RELT: variants seen among roughly 807,000 people sequenced by gnomAD.
RELT encodes the protein RELT TNF receptor.
In RELT, 37 loss-of-function variants were observed where a neutral mutation model predicts 51.1. The observed-to-expected ratio is 0.72, with a 90% confidence interval of 0.56 to 0.95. The LOEUF is 0.95. Ranked by LOEUF, RELT falls within the 40% of genes least tolerant of loss-of-function variation. RELT has a pLI of 0.00. For synonymous variants in RELT, 241 were observed against 235.7 expected (o/e 1.02, Z -0.21); for missense variants, 535 against 572.6 (o/e 0.93, Z 0.67).
At chr11:73,389,345 G>T (rs1278984183) in intron 2 of RELT, among the ~76,000 whole-genome samples, 164 bp downstream of exon 2, 1 of 152,220 alleles carries the variant, frequency 6.6e-6, no homozygotes. Flanking sequence ...AGCACCTCTG[G>T]GCCCACCCAG....
chr11:73,378,491 A>C (rs1233220064), intron 1 of RELT, among the ~76,000 whole-genome samples: 2 of 152,234 alleles, frequency 1.3e-5, no homozygotes, highest in Non-Finnish European at 2.9e-5. Context: ...GGCCAAGGTC[A>C]TACAGAGTCA....
Position 73,377,269 on chromosome 11 carries a change from A to AGTGTGTGTGTGTGTGTGTGTGTGT in RELT, c.-26+771_-26+794dup, listed in dbSNP as rs369117500. Among the ~76,000 whole-genome samples, 1,144 of 146,114 alleles carry AGTGTGTGTGTGTGTGTGTGTGTGT rather than the reference A, an allele frequency of 7.8e-3. 20 individuals carry two copies. Among genetic ancestry groups the AGTGTGTGTGTGTGTGTGTGTGTGT allele is most frequent in the African/African-American group, 0.028 (1,053 of 37,988 alleles). The stretch of plus-strand genomic sequence containing the variant: ...TGTGCGTGTGGGGTCAAGTGGTGTC[A>AGTGTGTGTGTGTGTGTGTGTGTGT]GTGTGTGTGTGTGTGTGTGTGTGTC... On this transcript the variant is annotated intron_variant, in intron 1 of 10. Transcript: ENST00000064780.
chr11:73,383,586 A>G (rs752103552), intron 1 of RELT, among the ~76,000 whole-genome samples: 1 of 152,188 alleles, frequency 6.6e-6, no homozygotes, highest in Non-Finnish European at 1.5e-5. Flanking sequence ...CTGCAAGGAC[A>G]TTTACTATGT....
At chr11:73,384,051 A>G (rs1191606222) in intron 1 of RELT, among the ~76,000 whole-genome samples, 1 of 152,090 alleles carries the variant, frequency 6.6e-6, no homozygotes, top group African/African-American at 2.4e-5. Flanking sequence ...AGGAGCCACT[A>G]TCTGGGAAGC....
Position 73,393,844 on chromosome 11 carries a change from C to G in RELT, c.633C>G (p.Asn211Lys). The change falls in exon 7 of 11, where the codon AAC becomes AAG. Residue 211 changes from asparagine to lysine, a missense_variant. Physicochemically the swap from Asn to Lys is moderately conservative, Grantham distance 94. Transcript: ENST00000064780. ...GGCCCTTCTCTTCCCCAGGAATCAA[C>G]CCTGCCTACCGGACTGAGGATGCCA... ...PGPGGGGSGI[N>K]PAYRTEDANE... 1 of 1,614,074 alleles carries G rather than the reference C, an allele frequency of 6.2e-7. No individual in the cohort carries two copies. Among genetic ancestry groups the G allele is most frequent in the Non-Finnish European group, 8.5e-7 (1 of 1,179,954 alleles).
At chr11:73,386,368 C>T (rs76738420) in intron 1 of RELT, among the ~76,000 whole-genome samples, 10,519 of 152,264 alleles carry the variant, frequency 0.069, 442 homozygotes, top group Non-Finnish European at 0.097. Context: ...CCCTCCCAGC[C>T]GAGGGGGCTT....
chr11:73,394,517 C>G lies in RELT; in HGVS notation c.829C>G (p.His277Asp). Residue 277 changes from histidine to aspartate, a missense_variant, in exon 9 of 11, where the codon CAC becomes GAC. By Grantham distance (81) the His-to-Asp change is moderately conservative (BLOSUM62 -1). Coordinates refer to ENST00000064780, the MANE Select transcript of RELT (RefSeq NM_152222.2). This position sits in a 1 kb window ranked among gnomAD's most constrained non-coding sequence, Gnocchi z 4.9. The stretch of plus-strand genomic sequence containing the variant: ...CCCGAACGTGCCACACATCTGCCCG[C>G]ACCGCCACCATCTCCACACCGTGCA... ...APPNVPHICP[H>D]RHHLHTVQGL... The G allele has an allele frequency of 1.2e-6, 2 of 1,610,912 alleles. No individual in the cohort carries two copies. Among genetic ancestry groups the G allele is most frequent in the Non-Finnish European group, 1.7e-6 (2 of 1,179,834 alleles).
intron 2 of RELT, 74 bp from the exon 3 acceptor site, chr11:73,390,476 AG>A: frequency 7.3e-7 from 1 of 1,362,778 alleles, no homozygotes; most frequent in South Asian, 1.2e-5. Flanking sequence ...TTCAGGAAAT[AG>A]GTGGGGGATA....
chr11:73,390,840 C>A lies in RELT; in HGVS notation c.206C>A (p.Ala69Asp), dbSNP rs752091065. 6.2e-7 allele frequency: 1 copy of A among 1,612,720 alleles called. No homozygotes were observed. The highest frequency in any genetic ancestry group is 8.5e-7 in the Non-Finnish European group (1 of 1,179,728). Residue 69 changes from alanine to aspartate, a missense_variant, in exon 4 of 11, where the codon GCC (alanine) becomes GAC (aspartate). By Grantham distance (126) the Ala-to-Asp change is moderately radical (BLOSUM62 -2). Transcript: ENST00000064780. Reference sequence around the variant, plus strand: ...GGCTCCAGCCCATGCCAGCCCCATGCCCGTTGCAGCCTTTGGAGGAGGCTG... The same window carrying A: ...GGCTCCAGCCCATGCCAGCCCCATGACCGTTGCAGCCTTTGGAGGAGGCTG... ...AWGSSPCQPH[A>D]RCSLWRRLEA...
chr11:73,386,554 G>C (rs1309048057), intron 1 of RELT, among the ~76,000 whole-genome samples: 1 of 152,196 alleles, frequency 6.6e-6, no homozygotes, highest in African/African-American at 2.4e-5. Flanking sequence ...TGGGGGCCGG[G>C]CAGCCAGACT....
Position 73,392,216 on chromosome 11 carries a change from G to A in RELT, c.373G>A (p.Gly125Arg). Residue 125 changes from glycine (G) to arginine (R), a missense_variant, in exon 6 of 11, where the codon GGG (glycine) becomes AGG (arginine). By Grantham distance (125) the Gly-to-Arg change is moderately radical. Transcript: ENST00000064780. ...CCATCGTCTGTGATGCTCAGAGTGG[G>A]GGCGGCGGGCCCGACGTGGCGTGGA... ...PLGTHGCDEWGRRARRGVEVA... is the reference protein window; with the variant it reads ...PLGTHGCDEWRRRARRGVEVA... 6.2e-7 allele frequency: 1 copy of A among 1,611,068 alleles called. No homozygotes were observed. The highest frequency in any genetic ancestry group is 8.5e-7 in the Non-Finnish European group (1 of 1,178,674).
At position 73,390,800 on chromosome 11, in the gene RELT, T is replaced by C; in HGVS notation, c.166T>C (p.Phe56Leu). The change falls in exon 4 of 11, where the codon TTC becomes CTC. Residue 56 changes from phenylalanine to leucine, a missense_variant. Phe to Leu is a conservative substitution (Grantham distance 22, BLOSUM62 0). Transcript: ENST00000064780. The stretch of plus-strand genomic sequence containing the variant: ...ATGCAGGCCCTGCCCCCCAGGCACC[T>C]TCTCAGCTGCATGGGGCTCCAGCCC... ...TLCRPCPPGT[F>L]SAAWGSSPCQ... is the part of the protein sequence containing the mutation. 1 of 1,611,748 alleles carries C rather than the reference T, an allele frequency of 6.2e-7. No homozygotes were observed. Among genetic ancestry groups the C allele is most frequent in the South Asian group, 1.1e-5 (1 of 90,922 alleles).
chr11:73,389,187 C>G lies in RELT; in HGVS notation c.45+6C>G. The G allele has an allele frequency of 6.5e-7, 1 of 1,541,552 alleles. No homozygotes were observed. Among genetic ancestry groups the G allele is most frequent in the Non-Finnish European group, 8.8e-7 (1 of 1,142,414 alleles). The stretch of plus-strand genomic sequence containing the variant: ...CCCTGTCCTGCTTCCTTATGGTGAG[C>G]TGGGGATGGGCCCTGGGAAGGAGAA... On this transcript the variant is annotated splice_donor_region_variant and intron_variant, in intron 2 of 10. Coordinates refer to ENST00000064780, the MANE Select transcript of RELT (RefSeq NM_152222.2).
intron 6 of RELT, chr11:73,393,603 T>A (rs931281539): frequency 1.3e-6 from 2 of 1,486,994 alleles, no homozygotes; most frequent in African/African-American, 1.4e-5. Flanking sequence ...CCCTGAAGCC[T>A]CTATGCACCC....
rs114801949 is a variant in RELT, at chr11:73,389,700, C to T, written c.45+519C>T. ...CCTGGGGCCCATCTTTCTGCTGTGA[C>T]GCTAGAAGCTCAGGGAGGGTGAGAC... On this transcript the variant is annotated intron_variant, in intron 2 of 10. Transcript: ENST00000064780. Among the ~76,000 whole-genome samples the T allele has an allele frequency of 9.7e-3, 1,473 of 152,324 alleles. 20 individuals are homozygous for T. The highest frequency in any genetic ancestry group is 0.033 in the African/African-American group (1,392 of 41,564).
At chr11:73,392,861 G>A in intron 6 of RELT, 1 of 1,127,200 alleles carries the variant, frequency 8.9e-7, no homozygotes, top group Non-Finnish European at 1.1e-6. Flanking sequence ...GGGCTGGCAG[G>A]GCAGCTGTCC....
At chr11:73,387,865 G>T (rs1033328538) in intron 1 of RELT, among the ~76,000 whole-genome samples, 7 of 152,086 alleles carry the variant, frequency 4.6e-5, no homozygotes, top group Admixed American at 6.5e-5. Context: ...CCTCAGCCGC[G>T]GCGGCCCTGA....
chr11:73,386,947 C>CT (rs982762129), intron 1 of RELT, among the ~76,000 whole-genome samples: 7,424 of 138,980 alleles, frequency 0.053, 506 homozygotes, highest in African/African-American at 0.16. Context: ...CTGGCTTTGT[C>CT]TTTTTTTTTT....
intron 1 of RELT, among the ~76,000 whole-genome samples, chr11:73,381,955 TGGCCCTC>T (rs1242607353): frequency 2.0e-5 from 3 of 152,172 alleles, no homozygotes; most frequent in Non-Finnish European, 4.4e-5. Context: ...TGGGTTCCTC[TGGCCCTC>T]GTGGAGCTGT....
Sources: allele counts gnomAD v4.1 joint callset (sites outside exome capture counted in the v4.1 genomes callset), GRCh38; gene constraint gnomAD v4.1.1; non-coding constraint Gnocchi (gnomAD v3.1); transcripts MANE v1.5; gene names NCBI Gene and HGNC (gene_info 2026-07-23, HGNC 2026-07-21).